The following RBM47 variants were observed in gnomAD, a reference collection of about 807,000 sequenced individuals.
RBM47 encodes RNA binding motif protein 47.
Under a neutral mutation model 47.1 loss-of-function variants are expected in RBM47, and 21 were observed. That is an observed-to-expected ratio of 0.45 (90% CI 0.32 to 0.64). The LOEUF is 0.64. Among genes scored for constraint, RBM47 ranks in the 30% least tolerant of loss-of-function variants. RBM47 has a pLI of 0.05. For missense variants in RBM47, 708 were observed against 870.9 expected (o/e 0.81, Z 2.35); for synonymous variants, 375 against 361.7 (o/e 1.04, Z -0.42).
chr4:40,510,078 T>C (rs1309601461), intron 2 of RBM47, among the ~76,000 whole-genome samples: 2 of 149,904 alleles, frequency 1.3e-5, no homozygotes, highest in Non-Finnish European at 1.5e-5. Context: ...TCCCAGCTAC[T>C]TAGGAGGCTG....
chr4:40,435,714 G>A (rs888637857), intron 5 of RBM47, among the ~76,000 whole-genome samples: 27 of 152,096 alleles, frequency 1.8e-4, no homozygotes, highest in African/African-American at 5.8e-4. Context: ...TCAGATGGTC[G>A]GGGCAGAAAT....
chr4:40,587,159 TGAG>T lies in RBM47; in HGVS notation c.-240+42234_-240+42236del, dbSNP rs1169314768. ...AAGAGGCAGGACTCTGAACTGGGGC[TGAG>T]GAGGAGGAGGAAGATTCAGGCATCT... On this transcript the variant is annotated intron_variant, in intron 1 of 6. Coordinates refer to ENST00000295971, the MANE Select transcript of RBM47 (RefSeq NM_001098634.2). Among the ~76,000 whole-genome samples the T allele has an allele frequency of 1.2e-4, 18 of 151,936 alleles. 3 individuals are homozygous for T. The highest frequency in any genetic ancestry group is 4.1e-4 in the African/African-American group (17 of 41,438).
intron 1 of RBM47, among the ~76,000 whole-genome samples, chr4:40,622,720 A>G (rs1737377606): frequency 6.6e-6 from 1 of 152,156 alleles, no homozygotes; most frequent in Admixed American, 6.5e-5. Flanking sequence ...CATCTCTACT[A>G]AAAACACAAA....
rs1560338419 is a variant in RBM47, at chr4:40,424,519, G to T, written c.*1385C>A. The T allele has an allele frequency of 1.3e-5, 2 of 152,352 alleles. No individual in the cohort carries two copies. Among genetic ancestry groups the T allele is most frequent in the Admixed American group, 6.5e-5 (1 of 15,278 alleles). The allele number at this position is 152,352 out of a possible 1,614,324, so 9.4% of individuals were successfully genotyped here. Reference sequence around the variant, plus strand: ...CATTTTGCATTAAACTACATACCATGAACTTCTCCAACATAAAAGGACTAA... The same window carrying T: ...CATTTTGCATTAAACTACATACCATTAACTTCTCCAACATAAAAGGACTAA... On this transcript the variant is annotated 3_prime_UTR_variant, in exon 7 of 7. Coordinates refer to ENST00000295971, the MANE Select transcript of RBM47 (RefSeq NM_001098634.2).
intron 1 of RBM47, among the ~76,000 whole-genome samples, chr4:40,584,300 A>G (rs1318817148): frequency 2.6e-5 from 4 of 152,102 alleles, no homozygotes; most frequent in Non-Finnish European, 4.4e-5. Flanking sequence ...GTCACACATC[A>G]TGACACTCCC....
At chr4:40,535,400 C>A (rs1414869339) in intron 2 of RBM47, among the ~76,000 whole-genome samples, 1 of 74,186 alleles carries the variant, frequency 1.3e-5, no homozygotes, top group African/African-American at 6.7e-5. Context: ...TGAGACGGAG[C>A]CTTGCTCTGT....
At chr4:40,539,542 A>G (rs12645346) in intron 2 of RBM47, among the ~76,000 whole-genome samples, 8 of 151,958 alleles carry the variant, frequency 5.3e-5, no homozygotes, top group Non-Finnish European at 8.8e-5. Context: ...GGAGATCGAG[A>G]CCAGCCTGGC....
intron 1 of RBM47, among the ~76,000 whole-genome samples, chr4:40,554,551 T>C (rs983107183): frequency 3.9e-5 from 6 of 152,142 alleles, no homozygotes; most frequent in African/African-American, 1.4e-4. Context: ...ACTTTATATA[T>C]ATATGCTCTC....
At chr4:40,603,337 T>A (rs990221284) in intron 1 of RBM47, among the ~76,000 whole-genome samples, 7 of 152,216 alleles carry the variant, frequency 4.6e-5, no homozygotes, top group African/African-American at 1.7e-4. Flanking sequence ...CACAATTTTT[T>A]AATTCATCTA....
rs1010752125 is a variant in RBM47, at chr4:40,628,394, G to C, written c.-240+1002C>G. Among the ~76,000 whole-genome samples, 1 of 152,166 alleles carries C rather than the reference G, an allele frequency of 6.6e-6. No homozygotes were observed. The highest frequency in any genetic ancestry group is 1.5e-5 in the Non-Finnish European group (1 of 68,034). ...GATCTCTTCTTATGCTCTAGGTTGA[G>C]TACTTTGGTTTATCTAGAGGTTGTG... On this transcript the variant is annotated intron_variant, in intron 1 of 6. Transcript: ENST00000295971. This position sits in a 1 kb window ranked among gnomAD's most constrained non-coding sequence, Gnocchi z 4.0.
chr4:40,554,301 C>T (rs748138873), intron 1 of RBM47, among the ~76,000 whole-genome samples: 7 of 151,292 alleles, frequency 4.6e-5, no homozygotes, highest in Non-Finnish European at 1.0e-4. Flanking sequence ...GACAACATAC[C>T]AGGCACAACA....
chr4:40,468,118 A>G (rs1718320971), intron 2 of RBM47, among the ~76,000 whole-genome samples: 1 of 152,102 alleles, frequency 6.6e-6, no homozygotes, highest in South Asian at 2.1e-4. Flanking sequence ...AAACCCTGTT[A>G]CCGCTAAAAA....
At chr4:40,528,960 AT>A (rs1727067970) in intron 2 of RBM47, among the ~76,000 whole-genome samples, 1 of 148,178 alleles carries the variant, frequency 6.7e-6, no homozygotes, top group African/African-American at 2.5e-5. Flanking sequence ...AAATAAATAA[AT>A]AAATAAATAA....
At chr4:40,570,718 CATG>C (rs1281482636) in intron 1 of RBM47, among the ~76,000 whole-genome samples, 2 of 152,014 alleles carry the variant, frequency 1.3e-5, no homozygotes, top group East Asian at 3.9e-4. Context: ...ATAAAATAAT[CATG>C]ATAATGTTTT....
chr4:40,463,825 T>C (rs1717541718), intron 3 of RBM47, among the ~76,000 whole-genome samples: 1 of 152,122 alleles, frequency 6.6e-6, no homozygotes, highest in South Asian at 2.1e-4. Flanking sequence ...ATAAAAATAT[T>C]TCTGGTTTTA....
chr4:40,431,646 A>T (rs1716070430), intron 6 of RBM47, among the ~76,000 whole-genome samples: 1 of 110,672 alleles, frequency 9.0e-6, no homozygotes, highest in Non-Finnish European at 1.8e-5. Context: ...CGACAGAGCG[A>T]GACTCCGTCT....
At chr4:40,558,689 G>GT (rs1006516949) in intron 1 of RBM47, among the ~76,000 whole-genome samples, 27 of 149,722 alleles carry the variant, frequency 1.8e-4, no homozygotes, top group Non-Finnish European at 4.1e-4. Flanking sequence ...TTAGCCAGGT[G>GT]TGGTGGTGGA....
At chr4:40,592,755 C>T (rs1477800436) in intron 1 of RBM47, among the ~76,000 whole-genome samples, 2 of 149,996 alleles carry the variant, frequency 1.3e-5, no homozygotes, top group Non-Finnish European at 3.0e-5. Flanking sequence ...GACAGGGCCT[C>T]GCTATGTTAT....
At chr4:40,602,254 A>C (rs1735348820) in intron 1 of RBM47, among the ~76,000 whole-genome samples, 1 of 152,156 alleles carries the variant, frequency 6.6e-6, no homozygotes, top group African/African-American at 2.4e-5. Context: ...TAATTAATGA[A>C]CCTCATAGAG....
Sources: gnomAD v4.1 joint callset for allele counts (sites outside exome capture counted in the v4.1 genomes callset) on GRCh38, gnomAD v4.1.1 for gene constraint, Gnocchi (gnomAD v3.1) non-coding constraint, MANE v1.5 for transcripts, NCBI Gene and HGNC (gene_info 2026-07-23, HGNC 2026-07-21) for gene names.